Variants in LAMA2 observed in about 807,000 individuals in gnomAD.
LAMA2 encodes laminin subunit alpha-2.
Under a neutral mutation model 364.8 loss-of-function variants are expected in LAMA2, and 269 were observed. The observed-to-expected ratio is 0.74, with a 90% CI of 0.67 to 0.82. The LOEUF is 0.82. LAMA2 is among the 40% of genes least tolerant of loss of function. The pLI is 0.00. For missense variants in LAMA2, 3,807 were observed against 3,873.2 expected (o/e 0.98, Z 0.45); for synonymous variants, 1,379 against 1,370.6 (o/e 1.01, Z -0.14).
chr6:128,943,764 A>G (rs963222587), intron 1 of LAMA2, among the ~76,000 whole-genome samples: 1 of 152,234 alleles, frequency 6.6e-6, no homozygotes, highest in African/African-American at 2.4e-5. Flanking sequence ...GCACAGATGA[A>G]GAAGACAAGA....
intron 40 of LAMA2, among the ~76,000 whole-genome samples, chr6:129,410,469 C>G (rs1780476489): frequency 6.6e-6 from 1 of 152,204 alleles, no homozygotes; most frequent in Non-Finnish European, 1.5e-5. Flanking sequence ...CACATACACT[C>G]ACAATGTTCC....
Position 129,255,267 on chromosome 6 carries a change from A to G in LAMA2, c.2096+2972A>G, listed in dbSNP as rs537602514. 2.8e-4 allele frequency among the ~76,000 whole-genome samples: 43 copies of G among 151,844 alleles called. No individual in the cohort carries two copies. The South Asian group carries it at 4.0e-3, about 14-fold the overall frequency. On this transcript the variant is annotated intron_variant, in intron 14 of 64. Coordinates refer to ENST00000421865, the MANE Select transcript of LAMA2 (RefSeq NM_000426.4). ...CTAAAAATACCAAAATTAGCCAGAC[A>G]TGGTGGCACGTGTCAGTAATCCCAG...
rs562453494 is a variant in LAMA2, at chr6:129,032,343, G to C, written c.113-17575G>C. ...ATAAGGCAGAATTAGGGGCTGTAAT[G>C]AAGGACCTGTTTACAAAGCATTAGG... On this transcript the variant is annotated intron_variant, in intron 1 of 64. Coordinates refer to ENST00000421865, the MANE Select transcript of LAMA2 (RefSeq NM_000426.4). Among the ~76,000 whole-genome samples the C allele has an allele frequency of 1.2e-3, 182 of 152,318 alleles. 1 individual carries two copies. Among genetic ancestry groups the C allele is most frequent in the African/African-American group, 4.2e-3 (173 of 41,576 alleles).
At chr6:128,967,258 T>C (rs536581089) in intron 1 of LAMA2, among the ~76,000 whole-genome samples, 1 of 152,124 alleles carries the variant, frequency 6.6e-6, no homozygotes, top group East Asian at 1.9e-4. Flanking sequence ...CCCAGAGACA[T>C]ACAAAATCAA....
At chr6:129,303,841 G>A (rs1303710812) in intron 22 of LAMA2, among the ~76,000 whole-genome samples, 1 of 152,074 alleles carries the variant, frequency 6.6e-6, no homozygotes, top group Non-Finnish European at 1.5e-5. Context: ...TTGGATCTAC[G>A]TTTATAAGAA....
At chr6:129,232,185 T>A (rs1460252534) in intron 12 of LAMA2, among the ~76,000 whole-genome samples, 12 of 152,142 alleles carry the variant, frequency 7.9e-5, no homozygotes, top group Non-Finnish European at 2.9e-5. Context: ...TGTCGATATG[T>A]GCTAGGCTTA....
intron 29 of LAMA2, among the ~76,000 whole-genome samples, chr6:129,337,432 G>A (rs1776014359): frequency 6.6e-6 from 1 of 152,070 alleles, no homozygotes; most frequent in Admixed American, 6.6e-5. Flanking sequence ...CTAGGAAAAG[G>A]GAATTAGACT....
chr6:129,469,034 T>C (rs1783681938), intron 51 of LAMA2, among the ~76,000 whole-genome samples: 1 of 151,860 alleles, frequency 6.6e-6, no homozygotes, highest in Non-Finnish European at 1.5e-5. Flanking sequence ...TATAAAAACA[T>C]GAATTATTTG....
At chr6:129,436,630 A>T (rs969382449) in intron 41 of LAMA2, among the ~76,000 whole-genome samples, 1 of 152,144 alleles carries the variant, frequency 6.6e-6, no homozygotes, top group Admixed American at 6.6e-5. Flanking sequence ...AAATTCTAAT[A>T]AACTTATTAA....
chr6:129,148,876 A>T, intron 6 of LAMA2, 103 bp from the exon 7 acceptor site: 1 of 839,192 alleles, frequency 1.2e-6, no homozygotes, highest in East Asian at 2.4e-5. Context: ...TTTAGTACAC[A>T]GTCCAGATGT....
intron 46 of LAMA2, 76 bp from the exon 47 acceptor site, chr6:129,454,079 A>G (rs1782829540): frequency 2.3e-6 from 3 of 1,291,632 alleles, no homozygotes; most frequent in Non-Finnish European, 3.4e-6. Flanking sequence ...GCGCTTATTG[A>G]AAAACACTCT....
intron 1 of LAMA2, among the ~76,000 whole-genome samples, chr6:128,898,176 G>A (rs1688848487): frequency 6.6e-6 from 1 of 152,190 alleles, no homozygotes; most frequent in South Asian, 2.1e-4. Context: ...TAACTTAAAA[G>A]ATCTAGAAAC....
At chr6:129,030,180 T>C (rs1310602135) in intron 1 of LAMA2, among the ~76,000 whole-genome samples, 1 of 152,146 alleles carries the variant, frequency 6.6e-6, no homozygotes, top group African/African-American at 2.4e-5. Flanking sequence ...ACTTTGAGTA[T>C]CTTTGAAACT....
intron 4 of LAMA2, among the ~76,000 whole-genome samples, chr6:129,135,560 A>T (rs1483631739): frequency 1.3e-5 from 2 of 152,240 alleles, no homozygotes; most frequent in African/African-American, 4.8e-5. Context: ...GATCTTGTGT[A>T]TTGTAATTTC....
chr6:129,044,327 C>A (rs1787317342), intron 1 of LAMA2, among the ~76,000 whole-genome samples: 1 of 152,000 alleles, frequency 6.6e-6, no homozygotes, highest in South Asian at 2.1e-4. Context: ...AATGTTTCTG[C>A]CATTTGAAAC....
At chr6:128,947,477 A>T (rs752981221) in intron 1 of LAMA2, among the ~76,000 whole-genome samples, 1 of 152,212 alleles carries the variant, frequency 6.6e-6, no homozygotes, top group Non-Finnish European at 1.5e-5. Flanking sequence ...ATTCAGTGTG[A>T]TCCCAATTTT....
At chr6:129,054,188 G>A (rs1033147589) in intron 2 of LAMA2, among the ~76,000 whole-genome samples, 6 of 152,144 alleles carry the variant, frequency 3.9e-5, no homozygotes, top group Admixed American at 3.3e-4. Flanking sequence ...TAGATTATGA[G>A]CCTCTCAGGG....
chr6:129,350,271 C>G (rs1455090945), intron 31 of LAMA2, among the ~76,000 whole-genome samples: 1 of 152,236 alleles, frequency 6.6e-6, no homozygotes, highest in Non-Finnish European at 1.5e-5. Context: ...AGACTTCGCT[C>G]AATTCCAACA....
chr6:129,408,004 C>G (rs1348955275), intron 40 of LAMA2, among the ~76,000 whole-genome samples: 1 of 152,156 alleles, frequency 6.6e-6, no homozygotes, highest in Non-Finnish European at 1.5e-5. Flanking sequence ...AGGTGGTAAT[C>G]TTAACTTCCA....
Sources: allele counts gnomAD v4.1 joint callset (sites outside exome capture counted in the v4.1 genomes callset), GRCh38; gene constraint gnomAD v4.1.1; transcripts MANE v1.5; gene names NCBI Gene and HGNC (gene_info 2026-07-23, HGNC 2026-07-21).